The following ELF1 variants were observed in gnomAD, a reference collection of about 807,000 sequenced individuals.
The protein encoded by ELF1 is ETS-related transcription factor Elf-1.
ELF1 carries 24 observed loss-of-function variants against 59.9 expected under a neutral mutation model. The observed-to-expected ratio is 0.40, with a 90% CI of 0.29 to 0.56. The LOEUF (loss-of-function observed/expected upper bound fraction) is 0.56. Among genes scored for constraint, ELF1 ranks in the 20% least tolerant of loss-of-function variants. The probability of loss-of-function intolerance (pLI) is 0.44; values close to 1 mark genes in which losing one functional copy is unlikely to be tolerated. For synonymous variants in ELF1, 248 were observed against 266.2 expected, an observed-to-expected ratio of 0.93 and a Z score of 0.67; for missense variants, 627 against 742.2, an observed-to-expected ratio of 0.84 and a Z score of 1.80.
chr13:41,051,547 AACACAC>A (rs545249919), intron 1 of ELF1, among the ~76,000 whole-genome samples: 3 of 151,934 alleles, frequency 2.0e-5, no homozygotes, highest in African/African-American at 7.2e-5. Flanking sequence ...GAAAATGAAA[AACACAC>A]ACACACACAC....
At position 40,933,709 on chromosome 13, in the gene ELF1, G is replaced by A. The variant is rs1218181125; in HGVS notation, c.1576C>T (p.Pro526Ser). The A allele has an allele frequency of 6.2e-7, 1 of 1,614,274 alleles. No homozygotes were observed. The highest frequency in any genetic ancestry group is 1.1e-5 in the South Asian group (1 of 91,082). ...CNGTVSVASSPSFSATAPVVT... is the reference protein window; with the variant it reads ...CNGTVSVASSSSFSATAPVVT... The stretch of plus-strand genomic sequence containing the variant: ...ACAGGTGCAGTAGCACTGAAGGATG[G>A]AGAGGAAGCCACACTGACGGTTCCA... Residue 526 changes from proline (P) to serine (S), a missense_variant, in exon 9 of 9, where the codon CCA (proline) becomes TCA (serine). Coordinates refer to ENST00000239882, the MANE Select transcript of ELF1 (RefSeq NM_172373.4).
intron 1 of ELF1, among the ~76,000 whole-genome samples, chr13:41,031,947 A>G (rs1425146660): frequency 7.9e-5 from 12 of 152,052 alleles, no homozygotes; most frequent in Non-Finnish European, 1.6e-4. Flanking sequence ...GTAATTATAC[A>G]TATCATACTT....
At chr13:40,950,999 A>G (rs1870811806) in intron 4 of ELF1, among the ~76,000 whole-genome samples, 1 of 152,210 alleles carries the variant, frequency 6.6e-6, no homozygotes, top group South Asian at 2.1e-4. Flanking sequence ...CTATTTGCTG[A>G]TAACTACAGA....
chr13:41,045,050 C>T (rs4444207), intron 1 of ELF1, among the ~76,000 whole-genome samples: 40,683 of 151,882 alleles, frequency 0.27, 5,580 homozygotes, highest in South Asian at 0.4. Context: ...GGAATTTATC[C>T]ATTTCTTCTA....
chr13:41,010,134 G>A (rs1236778455), intron 1 of ELF1, among the ~76,000 whole-genome samples: 1 of 149,934 alleles, frequency 6.7e-6, no homozygotes, highest in Non-Finnish European at 1.5e-5. Flanking sequence ...GGCCAAGCAT[G>A]GTGGCTCATG....
intron 1 of ELF1, chr13:41,060,803 T>A (rs1166321141): frequency 5.0e-6 from 1 of 199,868 alleles, no homozygotes; most frequent in African/African-American, 2.3e-5. Flanking sequence ...CGCTAGACCA[T>A]ATGGGAAGTG....
intron 1 of ELF1, among the ~76,000 whole-genome samples, chr13:41,024,703 T>C (rs1267285220): frequency 6.6e-6 from 1 of 152,114 alleles, no homozygotes; most frequent in Non-Finnish European, 1.5e-5. Context: ...TATGTAGCCC[T>C]AGCATCTACT....
chr13:41,007,048 C>A (rs915283806), intron 1 of ELF1, among the ~76,000 whole-genome samples: 1 of 151,902 alleles, frequency 6.6e-6, no homozygotes, highest in Non-Finnish European at 1.5e-5. Context: ...AAATATTAAA[C>A]CTTACTCAAG....
At chr13:41,023,568 C>T (rs1274273938), upstream of ELF1, among the ~76,000 whole-genome samples, 1 of 152,150 alleles carries the variant, frequency 6.6e-6, no homozygotes, top group Admixed American at 6.5e-5. Flanking sequence ...ATCCCAGGTT[C>T]CAAGAATTGT....
rs1298292543 is a variant in ELF1 at position 40,933,462 on chromosome 13, A to G, written c.1823T>C (p.Met608Thr). The G allele has an allele frequency of 6.8e-6, 11 of 1,614,088 alleles. No individual in the cohort carries two copies. The highest frequency in any genetic ancestry group is 9.3e-6 in the Non-Finnish European group (11 of 1,179,974). ...SSNGFTSQVAMKQNELLEPNS... is the reference protein window; with the variant it reads ...SSNGFTSQVATKQNELLEPNS... ...GGGTTCCAGCAGTTCGTTTTGTTTC[A>G]TAGCTACCTGAGAAGTAAATCCATT... Residue 608 changes from methionine to threonine, a missense_variant, in exon 9 of 9, where the codon ATG becomes ACG. Met to Thr is a moderately conservative substitution (Grantham distance 81). Transcript: ENST00000239882.
rs770939173 is a variant in ELF1 at position 40,941,222 on chromosome 13, C to G, written c.955G>C (p.Ala319Pro). The G allele has an allele frequency of 5.6e-6, 9 of 1,614,168 alleles. No individual in the cohort carries two copies. The highest frequency in any genetic ancestry group is 6.8e-6 in the Non-Finnish European group (8 of 1,180,018). Reference protein sequence around the residue: ...ESSDPSLSSSATSNRNQTSRS... With the variant: ...ESSDPSLSSSPTSNRNQTSRS... The stretch of plus-strand genomic sequence containing the variant: ...CTGGTTTGATTCCTATTTGAAGTGG[C>G]TGATGAAGATAGCGATGGATCTGAA... The change falls in exon 8 of 9, where the codon GCC becomes CCC. Residue 319 changes from alanine to proline, a missense_variant. This residue lies in a region of ELF1 where 361 missense variants were observed against 396.1 expected (regional missense o/e 0.91). Coordinates refer to ENST00000239882, the MANE Select transcript of ELF1 (RefSeq NM_172373.4).
chr13:41,051,251 A>C (rs763952835), intron 1 of ELF1, among the ~76,000 whole-genome samples: 5 of 151,958 alleles, frequency 3.3e-5, no homozygotes, highest in Non-Finnish European at 5.9e-5. Flanking sequence ...ATTCCCACTC[A>C]TATCTGAAAT....
intron 1 of ELF1, among the ~76,000 whole-genome samples, chr13:41,047,676 T>C (rs1339264626): frequency 1.3e-5 from 2 of 152,174 alleles, no homozygotes; most frequent in African/African-American, 4.8e-5. Context: ...GTGTGAGGTG[T>C]CAGTCTGCCC....
intron 5 of ELF1, 90 bp from the exon 6 acceptor site, chr13:40,944,015 CA>C: frequency 8.0e-7 from 1 of 1,253,884 alleles, no homozygotes; most frequent in Non-Finnish European, 1.1e-6. Flanking sequence ...CCCTAAATTT[CA>C]AGTGCCAAAT....
At chr13:41,023,944 G>C (rs908527311), upstream of ELF1, among the ~76,000 whole-genome samples, 1 of 152,094 alleles carries the variant, frequency 6.6e-6, no homozygotes, top group Admixed American at 6.6e-5. Flanking sequence ...ACATGACTTG[G>C]CCCCTATGAC....
At chr13:41,023,360 T>C (rs1213482330), upstream of ELF1, among the ~76,000 whole-genome samples, 1 of 152,174 alleles carries the variant, frequency 6.6e-6, no homozygotes, top group Admixed American at 6.5e-5. Context: ...ATCCGCCCCA[T>C]AGGTCGGGAG....
At chr13:40,963,590 C>G (rs996281439) in intron 2 of ELF1, among the ~76,000 whole-genome samples, 1 of 152,162 alleles carries the variant, frequency 6.6e-6, no homozygotes, top group South Asian at 2.1e-4. Flanking sequence ...AAGAAAGAGA[C>G]CAACTTCAGA....
intron 1 of ELF1, among the ~76,000 whole-genome samples, chr13:41,040,212 A>G (rs754495715): frequency 2.0e-5 from 3 of 152,352 alleles, no homozygotes; most frequent in Non-Finnish European, 4.4e-5. Flanking sequence ...TCAGCACGAT[A>G]TTGTTCAAAG....
intron 1 of ELF1, among the ~76,000 whole-genome samples, chr13:41,052,871 G>A (rs553597567): frequency 3.3e-5 from 5 of 152,200 alleles, no homozygotes; most frequent in Non-Finnish European, 5.9e-5. Flanking sequence ...TTTCATCATA[G>A]TCTACTTCAC....
Sources: allele counts gnomAD v4.1 joint callset (sites outside exome capture counted in the v4.1 genomes callset), GRCh38; gene constraint gnomAD v4.1.1; regional missense constraint gnomAD v4.1.1; transcripts MANE v1.5; gene names NCBI Gene and HGNC (gene_info 2026-07-23, HGNC 2026-07-21).